FSTL5: variants seen among roughly 807,000 people sequenced by gnomAD.
The protein encoded by FSTL5 is follistatin like 5, also known as follistatin-related protein 5.
FSTL5 carries 62 observed loss-of-function variants against 89.1 expected under a neutral mutation model. That is an observed-to-expected ratio of 0.70 (90% confidence interval 0.57 to 0.86). FSTL5 has a LOEUF of 0.86. Among genes scored for constraint, FSTL5 ranks in the 40% least tolerant of loss-of-function variants. The probability of loss-of-function intolerance (pLI) is 0.00; values close to 1 mark genes in which losing one functional copy is unlikely to be tolerated. For missense variants in FSTL5, 1,057 were observed against 1,001.6 expected (o/e 1.06, Z -0.75); for synonymous variants, 383 against 346.2 (o/e 1.11, Z -1.18).
At chr4:161,819,842 C>T (rs1356985626) in intron 4 of FSTL5, among the ~76,000 whole-genome samples, 1 of 151,902 alleles carries the variant, frequency 6.6e-6, no homozygotes, top group African/African-American at 2.4e-5. Context: ...AAATTTTGTT[C>T]ACATCTTCTG....
intron 2 of FSTL5, among the ~76,000 whole-genome samples, chr4:162,039,873 T>C (rs896467199): frequency 3.9e-5 from 6 of 152,074 alleles, no homozygotes; most frequent in Non-Finnish European, 8.8e-5. Context: ...TATCCATAGG[T>C]CTTCCTACAG....
intron 2 of FSTL5, among the ~76,000 whole-genome samples, chr4:162,109,787 C>A (rs1227315061): frequency 4.6e-5 from 7 of 151,922 alleles, no homozygotes; most frequent in Non-Finnish European, 7.4e-5. Context: ...TTCACAGCAC[C>A]AGAAATAAAA....
rs1044631717 is a variant in FSTL5, at chr4:161,957,368, A to G, written c.161-36716T>C. On this transcript the variant is annotated intron_variant, in intron 3 of 15. Transcript: ENST00000306100. ...CATTTTATAAATCACAGTTATAATA[A>G]TTATATTCTTATGTCAGTCACAAAA... Among the ~76,000 whole-genome samples, 112 of 152,244 alleles carry G rather than the reference A, an allele frequency of 7.4e-4. 2 individuals carry two copies. The highest frequency in any genetic ancestry group is 1.8e-4 in the Non-Finnish European group (12 of 68,008).
At chr4:162,085,586 C>T (rs1177119924) in intron 2 of FSTL5, among the ~76,000 whole-genome samples, 4 of 152,060 alleles carry the variant, frequency 2.6e-5, no homozygotes, top group Non-Finnish European at 5.9e-5. Flanking sequence ...GCATCCAATA[C>T]GTATCTGGTG....
At chr4:162,022,009 G>A (rs1737105696) in intron 3 of FSTL5, among the ~76,000 whole-genome samples, 1 of 151,564 alleles carries the variant, frequency 6.6e-6, no homozygotes, top group Non-Finnish European at 1.5e-5. Context: ...GAGAATTGTT[G>A]GAACCTGGGA....
chr4:162,059,522 T>A (rs1738654331), intron 2 of FSTL5, among the ~76,000 whole-genome samples: 2 of 152,156 alleles, frequency 1.3e-5, no homozygotes, highest in Non-Finnish European at 2.9e-5. Flanking sequence ...TTGTGTTTAT[T>A]TATCAAAACT....
At chr4:161,892,712 A>C (rs1733027671) in intron 4 of FSTL5, among the ~76,000 whole-genome samples, 1 of 152,074 alleles carries the variant, frequency 6.6e-6, no homozygotes, top group African/African-American at 2.4e-5. Flanking sequence ...AATATCATTA[A>C]TTTTATATAC....
At chr4:161,450,000 G>A (rs1733106819) in intron 15 of FSTL5, among the ~76,000 whole-genome samples, 2 of 152,122 alleles carry the variant, frequency 1.3e-5, no homozygotes, top group South Asian at 4.1e-4. Context: ...CCTGCACTCA[G>A]ATTTCTTACA....
chr4:161,560,851 A>G (rs985686915), intron 8 of FSTL5, among the ~76,000 whole-genome samples: 28 of 151,934 alleles, frequency 1.8e-4, no homozygotes, highest in African/African-American at 6.3e-4. Flanking sequence ...TACCGTTAAC[A>G]TTTTTTTAAT....
chr4:161,459,263 C>A lies in FSTL5; in HGVS notation c.1665G>T (p.Gln555His). The A allele has an allele frequency of 1.2e-6, 2 of 1,613,480 alleles. No individual in the cohort carries two copies. The highest frequency in any genetic ancestry group is 1.7e-5 in the Admixed American group (1 of 60,010). The change falls in exon 14 of 16, where the codon CAG becomes CAT. Residue 555 changes from glutamine (Q) to histidine (H), a missense_variant. Gln to His is a conservative substitution (Grantham distance 24). Around this residue, in one of 3 missense-constraint regions of FSTL5, gnomAD observed 980 missense variants for 903.2 expected, o/e 1.08. Transcript: ENST00000306100. Reference protein sequence around the residue: ...VKLHYDKSHDQVWVLSWGTLE... With the variant: ...VKLHYDKSHDHVWVLSWGTLE... The stretch of plus-strand genomic sequence containing the variant: ...AGGTACCCCAGCTTAGCACCCAGAC[C>A]TGATCATGTGATTTGTCATAGTGTA...
intron 14 of FSTL5, among the ~76,000 whole-genome samples, chr4:161,455,934 A>C (rs1460276914): frequency 6.6e-6 from 1 of 152,206 alleles, no homozygotes; most frequent in Admixed American, 6.5e-5. Flanking sequence ...ACTAAGTTAA[A>C]GTAATTCTCC....
At chr4:161,768,827 TAA>T (rs992987280) in intron 5 of FSTL5, among the ~76,000 whole-genome samples, 1 of 146,018 alleles carries the variant, frequency 6.8e-6, no homozygotes, top group African/African-American at 2.5e-5. Flanking sequence ...GTCAATAGAA[TAA>T]AAAAAAATAA....
At chr4:161,584,033 T>C (rs943543582) in intron 8 of FSTL5, among the ~76,000 whole-genome samples, 1 of 150,622 alleles carries the variant, frequency 6.6e-6, no homozygotes, top group Non-Finnish European at 1.5e-5. Context: ...TAAATCAGAA[T>C]CTTTTTTTCT....
At chr4:161,938,245 C>CT (rs1734485852) in intron 3 of FSTL5, among the ~76,000 whole-genome samples, 1 of 152,178 alleles carries the variant, frequency 6.6e-6, no homozygotes, top group East Asian at 1.9e-4. Context: ...AAAGATCCAT[C>CT]TTTTTGTTCA....
intron 7 of FSTL5, among the ~76,000 whole-genome samples, chr4:161,616,083 T>G (rs956347741): frequency 6.6e-6 from 1 of 151,914 alleles, no homozygotes; most frequent in Non-Finnish European, 1.5e-5. Flanking sequence ...TTCTTTTTCT[T>G]TTTTTATTTT....
chr4:161,836,269 A>G (rs901691846), intron 4 of FSTL5, among the ~76,000 whole-genome samples: 32 of 135,338 alleles, frequency 2.4e-4, no homozygotes, highest in Non-Finnish European at 4.5e-4. Flanking sequence ...ACAGATGGAC[A>G]CAGGAAGGGG....
chr4:161,744,353 A>G (rs1486084401), intron 6 of FSTL5, among the ~76,000 whole-genome samples: 1 of 152,152 alleles, frequency 6.6e-6, no homozygotes, highest in Non-Finnish European at 1.5e-5. Flanking sequence ...GCCAAAGCTG[A>G]GATGAGTTGT....
chr4:162,072,873 T>A (rs147544557), intron 2 of FSTL5, among the ~76,000 whole-genome samples: 29 of 151,758 alleles, frequency 1.9e-4, no homozygotes, highest in Non-Finnish European at 3.8e-4. Context: ...AAGCAAACAC[T>A]AAATCCTCAG....
At chr4:161,444,993 C>G (rs1359764766) in intron 15 of FSTL5, among the ~76,000 whole-genome samples, 1 of 151,884 alleles carries the variant, frequency 6.6e-6, no homozygotes, top group Non-Finnish European at 1.5e-5. Context: ...AGAGTAAGTA[C>G]TCAATGTTTG....
Sources: gnomAD v4.1 joint callset for allele counts (sites outside exome capture counted in the v4.1 genomes callset) on GRCh38, gnomAD v4.1.1 for gene constraint, gnomAD v4.1.1 regional missense constraint, MANE v1.5 for transcripts, NCBI Gene and HGNC (gene_info 2026-07-23, HGNC 2026-07-21) for gene names.